The following USP8 variants were observed in gnomAD, a reference collection of about 807,000 sequenced individuals.
The protein encoded by USP8 is ubiquitin carboxyl-terminal hydrolase 8.
A neutral mutation model predicts 130.0 loss-of-function variants in USP8; 27 were observed. The observed-to-expected ratio is 0.21, with a 90% CI of 0.15 to 0.29. The LOEUF is 0.29. Among genes scored for constraint, USP8 ranks in the 10% least tolerant of loss-of-function variants. USP8 has a pLI of 1.00. For missense variants in USP8, 1,029 were observed against 1,312.2 expected (o/e 0.78, Z 3.33); for synonymous variants, 392 against 444.1 (o/e 0.88, Z 1.48).
chr15:50,441,019 G>C (rs2050241542), intron 2 of USP8, among the ~76,000 whole-genome samples: 1 of 151,322 alleles, frequency 6.6e-6, no homozygotes, highest in Non-Finnish European at 1.5e-5. Flanking sequence ...AAAAAAAGGA[G>C]TGCACAACCT....
chr15:50,424,733 G>C (rs1056483710), intron 1 of USP8: 8 of 376,486 alleles, frequency 2.1e-5, no homozygotes, highest in African/African-American at 1.0e-4. Context: ...AGCGAGTTTC[G>C]TGTGTTTTTT....
chr15:50,497,134 A>G lies in USP8; in HGVS notation c.2941A>G (p.Asn981Asp). The change falls in exon 18 of 20, where the codon AAC becomes GAC. Residue 981 changes from asparagine to aspartate, a missense_variant. This residue lies in a region of USP8 where 257 missense variants were observed against 429.8 expected (regional missense o/e 0.60). Coordinates refer to ENST00000307179, the MANE Select transcript of USP8 (RefSeq NM_005154.5). ...CAAAGAAGAAAAACTCACAGATAAC[A>G]ACAGATTTTACTGCAGTCATTGCAG... ...FSKEEKLTDN[N>D]RFYCSHCRAR... The G allele has an allele frequency of 6.2e-7, 1 of 1,609,292 alleles. No homozygotes were observed. The highest frequency in any genetic ancestry group is 8.5e-7 in the Non-Finnish European group (1 of 1,178,128).
intron 3 of USP8, among the ~76,000 whole-genome samples, chr15:50,444,322 C>G (rs2050355041): frequency 6.6e-6 from 1 of 151,522 alleles, no homozygotes; most frequent in African/African-American, 2.4e-5. Flanking sequence ...TCAGGCTGAT[C>G]TCGAACTCCT....
At chr15:50,480,346 C>G (rs1225861130) in intron 10 of USP8, among the ~76,000 whole-genome samples, 2 of 152,098 alleles carry the variant, frequency 1.3e-5, no homozygotes, top group African/African-American at 2.4e-5. Context: ...CATTTGTTCC[C>G]TCAGTAACAT....
Position 50,501,126 on chromosome 15 carries a change from A to G in USP8, c.*2038A>G. 3.2e-6 allele frequency: 1 copy of G among 317,268 alleles called. No individual in the cohort carries two copies. Among genetic ancestry groups the G allele is most frequent in the Non-Finnish European group, 6.1e-6 (1 of 163,302 alleles). The allele number at this position is 317,268 out of a possible 1,614,324, so 19.7% of individuals were successfully genotyped here. ...AGTGAACATTTAGTTAGCACTTAAT[A>G]TACATCAACTATTAAGCATTAAAGG... On this transcript the variant is annotated 3_prime_UTR_variant, in exon 20 of 20. Coordinates refer to ENST00000307179, the MANE Select transcript of USP8 (RefSeq NM_005154.5).
chr15:50,427,207 A>G (rs942412761), intron 1 of USP8, among the ~76,000 whole-genome samples: 1 of 152,116 alleles, frequency 6.6e-6, no homozygotes, highest in South Asian at 2.1e-4. Context: ...AAGTGCTGGA[A>G]TTACAGGCGT....
chr15:50,436,613 T>G (rs1212038101), intron 1 of USP8, among the ~76,000 whole-genome samples: 2 of 152,106 alleles, frequency 1.3e-5, no homozygotes, highest in Non-Finnish European at 2.9e-5. Flanking sequence ...GTCTCCTACT[T>G]CAGCCTCCTG....
At position 50,424,445 on chromosome 15, in the gene USP8, T is replaced by C; in HGVS notation, c.-135T>C. The C allele has an allele frequency of 2.5e-6, 1 of 398,690 alleles. No homozygotes were observed. The highest frequency in any genetic ancestry group is 4.4e-6 in the Non-Finnish European group (1 of 226,114). 24.7% of individuals were successfully genotyped at this position (398,690 alleles called of 1,614,324 possible). On this transcript the variant is annotated 5_prime_UTR_variant, in exon 1 of 20. Coordinates refer to ENST00000307179, the MANE Select transcript of USP8 (RefSeq NM_005154.5). Reference sequence around the variant, plus strand: ...CCGTCCTGGTAGCCAAGGCTAATTCTCCCTCGAGTTCTTGGGAGATGGGCA... The same window carrying C: ...CCGTCCTGGTAGCCAAGGCTAATTCCCCCTCGAGTTCTTGGGAGATGGGCA...
intron 7 of USP8, among the ~76,000 whole-genome samples, chr15:50,466,040 TATG>T (rs1356017531): frequency 6.6e-6 from 1 of 152,196 alleles, no homozygotes; most frequent in African/African-American, 2.4e-5. Context: ...GCCTTTAACC[TATG>T]AAATAATTTA....
At chr15:50,442,063 C>T (rs972139746) in intron 3 of USP8, among the ~76,000 whole-genome samples, 2 of 141,908 alleles carry the variant, frequency 1.4e-5, no homozygotes, top group Non-Finnish European at 3.0e-5. Context: ...TGCAACCTGT[C>T]TCCTGGGTTC....
In USP8 at chr15:50,495,842, T is replaced by C; in HGVS notation, c.2659-6T>C. The C allele has an allele frequency of 6.2e-7, 1 of 1,602,750 alleles. No individual in the cohort carries two copies. The highest frequency in any genetic ancestry group is 8.5e-7 in the Non-Finnish European group (1 of 1,171,854). The stretch of plus-strand genomic sequence containing the variant: ...TAATATAGAGCTTAAATCATTTTAT[T>C]TCCAGGCTGATAATCGGAAGAGATA... On this transcript the variant is annotated splice_polypyrimidine_tract_variant and splice_region_variant and intron_variant, in intron 16 of 19. Coordinates refer to ENST00000307179, the MANE Select transcript of USP8 (RefSeq NM_005154.5).
intron 4 of USP8, chr15:50,458,490 A>G (rs1191751817): frequency 3.2e-5 from 5 of 157,750 alleles, no homozygotes; most frequent in African/African-American, 1.2e-4. Context: ...TTCCTCAGAT[A>G]TCTGCTAACT....
intron 1 of USP8, among the ~76,000 whole-genome samples, chr15:50,438,808 T>C (rs371460014): frequency 5.9e-5 from 9 of 152,206 alleles, no homozygotes; most frequent in African/African-American, 2.2e-4. Flanking sequence ...AGTAATTCAT[T>C]TGGTTAATGA....
In USP8 at chr15:50,494,104, G is replaced by A. The variant is rs1245233173; in HGVS notation, c.2482G>A (p.Glu828Lys). ...NLLGHKGEVA[E>K]EFGIIMKALW... ...GTTGGGGCATAAAGGTGAAGTGGCA[G>A]AAGAATTTGGTATAATCATGAAAGC... Residue 828 changes from glutamate to lysine, a missense_variant, in exon 16 of 20, where the codon GAA becomes AAA. By Grantham distance (56) the Glu-to-Lys change is moderately conservative. This residue lies in a region of USP8 where 257 missense variants were observed against 429.8 expected (regional missense o/e 0.60). Coordinates refer to ENST00000307179, the MANE Select transcript of USP8 (RefSeq NM_005154.5). 4 of 1,609,822 alleles carry A rather than the reference G, an allele frequency of 2.5e-6. No homozygotes were observed. In the African/African-American group the frequency reaches 4.0e-5, roughly 16 times the overall value.
chr15:50,459,552 C>T (rs926337282), intron 5 of USP8, among the ~76,000 whole-genome samples: 4 of 152,088 alleles, frequency 2.6e-5, no homozygotes, highest in African/African-American at 9.7e-5. Flanking sequence ...CCACTCCACT[C>T]CAGCCTGGGC....
At chr15:50,460,208 G>A (rs2050941597) in intron 5 of USP8, among the ~76,000 whole-genome samples, 1 of 150,594 alleles carries the variant, frequency 6.6e-6, no homozygotes, top group Admixed American at 6.6e-5. Flanking sequence ...ATGTTGGCCA[G>A]GCTGGTCTCG....
chr15:50,433,826 T>C (rs62019074), intron 1 of USP8, among the ~76,000 whole-genome samples: 23,655 of 152,124 alleles, frequency 0.16, 2,247 homozygotes, highest in Middle Eastern at 0.3. Flanking sequence ...AGGATGGTCT[T>C]GATCTCCTGA....
intron 4 of USP8, among the ~76,000 whole-genome samples, chr15:50,455,569 T>C (rs1011640005): frequency 6.6e-6 from 1 of 152,218 alleles, no homozygotes; most frequent in African/African-American, 2.4e-5. Flanking sequence ...TCTCTTTTAT[T>C]GTTGTCCTAT....
chr15:50,434,864 C>A (rs2050049622), intron 1 of USP8, among the ~76,000 whole-genome samples: 1 of 152,172 alleles, frequency 6.6e-6, no homozygotes, highest in African/African-American at 2.4e-5. Flanking sequence ...AAGGAATCCA[C>A]CTGCCTCGGC....
Sources: gnomAD v4.1 joint callset for allele counts (sites outside exome capture counted in the v4.1 genomes callset) on GRCh38, gnomAD v4.1.1 for gene constraint, gnomAD v4.1.1 regional missense constraint, MANE v1.5 for transcripts, NCBI Gene and HGNC (gene_info 2026-07-23, HGNC 2026-07-21) for gene names.